The following SNTG2 variants were observed in gnomAD, a reference collection of about 807,000 sequenced individuals.
SNTG2 encodes the protein syntrophin gamma 2.
A neutral mutation model predicts 70.9 loss-of-function variants in SNTG2; 74 were observed. That is an observed-to-expected ratio of 1.04 (90% CI 0.86 to 1.27). The LOEUF is 1.27. SNTG2 is among the 50% of genes most tolerant of loss of function. The probability of loss-of-function intolerance (pLI) is 0.00; values close to 1 mark genes in which losing one functional copy is unlikely to be tolerated. For missense variants in SNTG2, 717 were observed against 690.7 expected (o/e 1.04, Z -0.43); for synonymous variants, 278 against 273.8 (o/e 1.02, Z -0.15).
intron 8 of SNTG2, among the ~76,000 whole-genome samples, chr2:1,207,600 T>A (rs1339091566): frequency 2.6e-5 from 4 of 152,060 alleles, no homozygotes; most frequent in Non-Finnish European, 4.4e-5. Context: ...GAAGGGGGCT[T>A]ATATATTAGC....
intron 1 of SNTG2, among the ~76,000 whole-genome samples, chr2:962,059 G>A (rs2147946560): frequency 6.6e-6 from 1 of 152,300 alleles, no homozygotes; most frequent in Non-Finnish European, 1.5e-5. Context: ...AGTGAAATGT[G>A]GAAATACTGG....
chr2:1,034,427 ATCTTTCTTTATAATAGAACGATT>A (rs1558328524), intron 1 of SNTG2, among the ~76,000 whole-genome samples: 1 of 152,052 alleles, frequency 6.6e-6, no homozygotes, highest in African/African-American at 2.4e-5. Context: ...GCATGCATAC[ATCTTTCTTTATAATAGAACGATT>A]TATATTTCTT....
chr2:1,271,311 T>A (rs1679005994), intron 14 of SNTG2, among the ~76,000 whole-genome samples: 1 of 152,140 alleles, frequency 6.6e-6, no homozygotes, highest in African/African-American at 2.4e-5. Context: ...TTTTTCCTTT[T>A]TATTGAAAAG....
At chr2:1,291,875 T>G (rs948563926) in intron 14 of SNTG2, among the ~76,000 whole-genome samples, 4 of 152,178 alleles carry the variant, frequency 2.6e-5, no homozygotes, top group African/African-American at 9.7e-5. Context: ...TGGAAAAAGG[T>G]CTTTGGGATT....
chr2:1,029,037 A>G (rs1660662081), intron 1 of SNTG2, among the ~76,000 whole-genome samples: 1 of 152,088 alleles, frequency 6.6e-6, no homozygotes, highest in African/African-American at 2.4e-5. Context: ...TTCAGGCAGG[A>G]TCGGGAGGGG....
chr2:1,298,920 C>T (rs1264538179), intron 14 of SNTG2, among the ~76,000 whole-genome samples: 1 of 152,186 alleles, frequency 6.6e-6, no homozygotes, highest in East Asian at 1.9e-4. Context: ...TTCTCCCATG[C>T]TGGGTGCTTC....
intron 1 of SNTG2, among the ~76,000 whole-genome samples, chr2:1,019,525 G>C (rs1183380044): frequency 6.6e-6 from 1 of 152,098 alleles, no homozygotes; most frequent in East Asian, 1.9e-4. Flanking sequence ...GGCAAGGAGG[G>C]CAGGGTCAAA....
chr2:1,012,614 A>G (rs1414702572), intron 1 of SNTG2, among the ~76,000 whole-genome samples: 6 of 128,568 alleles, frequency 4.7e-5, no homozygotes, highest in Admixed American at 7.6e-5. Flanking sequence ...TGGTCTGGAA[A>G]GGGATTTATA....
In SNTG2 at chr2:1,346,954, G is replaced by A. The variant is rs114820841; in HGVS notation, c.1489-20389G>A. Among the ~76,000 whole-genome samples the A allele has an allele frequency of 8.6e-3, 1,314 of 152,164 alleles. 19 individuals carry two copies. The highest frequency in any genetic ancestry group is 0.029 in the African/African-American group (1,209 of 41,502). On this transcript the variant is annotated intron_variant, in intron 16 of 16. Transcript: ENST00000308624. ...AGATGAAGTCATCTGCATCCACCAC[G>A]TCATGCTGTACCAGAGTCAGGGTGG...
intron 1 of SNTG2, among the ~76,000 whole-genome samples, chr2:1,082,041 C>T (rs1242742337): frequency 1.3e-5 from 2 of 152,126 alleles, no homozygotes; most frequent in Admixed American, 1.3e-4. Context: ...TTGGAACCCT[C>T]CTGAAACTCT....
At chr2:1,319,701 C>T (rs183178933) in intron 16 of SNTG2, among the ~76,000 whole-genome samples, 2 of 152,352 alleles carry the variant, frequency 1.3e-5, no homozygotes, top group East Asian at 3.9e-4. Flanking sequence ...CCTTATCCCA[C>T]AGAGTAGGAA....
At chr2:1,196,657 A>G (rs1025227099) in intron 8 of SNTG2, among the ~76,000 whole-genome samples, 1 of 152,128 alleles carries the variant, frequency 6.6e-6, no homozygotes, top group East Asian at 1.9e-4. Flanking sequence ...ATAAGGGAGA[A>G]CCTCCATCAA....
rs1665471494 is a variant in SNTG2 at position 1,097,488 on chromosome 2, C to G, written c.211-708C>G. 6.6e-6 allele frequency among the ~76,000 whole-genome samples: 1 copy of G among 152,140 alleles called. No individual in the cohort carries two copies. The highest frequency in any genetic ancestry group is 1.5e-5 in the Non-Finnish European group (1 of 68,028). On this transcript the variant is annotated intron_variant, in intron 2 of 16. Transcript: ENST00000308624. This position sits in a 1 kb window ranked among gnomAD's most constrained non-coding sequence, Gnocchi z 4.1. ...GTCTACCCCAGGCTGCCTCTGTGCG[C>G]CCCCTCAGAGCAGCACCAGTCACTC... is the stretch of plus-strand genomic sequence containing the variant.
At chr2:1,268,132 A>G (rs958684850) in intron 14 of SNTG2, among the ~76,000 whole-genome samples, 1 of 152,218 alleles carries the variant, frequency 6.6e-6, no homozygotes, top group Non-Finnish European at 1.5e-5. Flanking sequence ...AGAATGCATT[A>G]TAATCCTCCT....
At chr2:1,221,318 TC>T (rs1264370049) in intron 9 of SNTG2, among the ~76,000 whole-genome samples, 1 of 151,730 alleles carries the variant, frequency 6.6e-6, no homozygotes, top group Non-Finnish European at 1.5e-5. Flanking sequence ...TCTCTGTCTC[TC>T]CCTGTCTCTG....
chr2:1,332,346 A>T (rs1312793271), intron 16 of SNTG2, among the ~76,000 whole-genome samples: 1 of 152,260 alleles, frequency 6.6e-6, no homozygotes, highest in Non-Finnish European at 1.5e-5. Context: ...TCTATCAGAC[A>T]TTCAAAGAAG....
intron 4 of SNTG2, among the ~76,000 whole-genome samples, chr2:1,135,065 G>T (rs973263097): frequency 1.1e-4 from 17 of 152,176 alleles, no homozygotes; most frequent in Non-Finnish European, 2.5e-4. Flanking sequence ...GGAGGCTGCT[G>T]ACCCATGGGC....
intron 14 of SNTG2, among the ~76,000 whole-genome samples, chr2:1,301,767 A>G (rs965184110): frequency 6.6e-6 from 1 of 152,196 alleles, no homozygotes; most frequent in Non-Finnish European, 1.5e-5. Flanking sequence ...AATTAAAAAA[A>G]TTGAAACATT....
chr2:1,346,915 G>A (rs1363643563), intron 16 of SNTG2, among the ~76,000 whole-genome samples: 1 of 152,038 alleles, frequency 6.6e-6, no homozygotes, highest in Non-Finnish European at 1.5e-5. Flanking sequence ...CAGTGGGAAG[G>A]AACACTGAAG....
Sources: gnomAD v4.1 joint callset for allele counts (sites outside exome capture counted in the v4.1 genomes callset) on GRCh38, gnomAD v4.1.1 for gene constraint, Gnocchi (gnomAD v3.1) non-coding constraint, MANE v1.5 for transcripts, NCBI Gene and HGNC (gene_info 2026-07-23, HGNC 2026-07-21) for gene names.